MNAT1: variants seen among roughly 807,000 people sequenced by gnomAD.
The protein encoded by MNAT1 is MNAT1 component of CDK activating kinase, also known as CDK-activating kinase assembly factor MAT1.
Under a neutral mutation model 42.0 loss-of-function variants are expected in MNAT1, and 43 were observed. That is an observed-to-expected ratio of 1.02 (90% CI 0.80 to 1.32). The LOEUF (loss-of-function observed/expected upper bound fraction) is 1.32. Ranked by LOEUF, MNAT1 falls within the 40% of genes most tolerant of loss-of-function variation. MNAT1 has a pLI of 0.00. For missense variants in MNAT1, 306 were observed against 350.4 expected, an observed-to-expected ratio of 0.87 and a Z score of 1.01; for synonymous variants, 118 against 120.0, an observed-to-expected ratio of 0.98 and a Z score of 0.11.
chr14:60,856,060 T>A (rs2033952224), intron 6 of MNAT1, among the ~76,000 whole-genome samples: 1 of 152,186 alleles, frequency 6.6e-6, no homozygotes, highest in Non-Finnish European at 1.5e-5. Flanking sequence ...TATGTCTGAC[T>A]TTAAATCAAA....
chr14:60,842,022 C>G (rs149899467), intron 6 of MNAT1, among the ~76,000 whole-genome samples: 1 of 152,190 alleles, frequency 6.6e-6, no homozygotes, highest in Non-Finnish European at 1.5e-5. Context: ...AAAACCCAGA[C>G]AAAAGTTGAG....
chr14:60,834,368 T>C (rs953596931), intron 6 of MNAT1, among the ~76,000 whole-genome samples: 3 of 152,224 alleles, frequency 2.0e-5, no homozygotes, highest in Admixed American at 2.0e-4. Flanking sequence ...GTCTTTGTTC[T>C]CATTGGTTCA....
intron 1 of MNAT1, among the ~76,000 whole-genome samples, chr14:60,774,579 G>C (rs1357513707): frequency 3.3e-5 from 5 of 152,360 alleles, no homozygotes; most frequent in Admixed American, 3.3e-4. Context: ...AGGTGGGTAA[G>C]TGTTGGGGAT....
chr14:60,855,624 T>C (rs1164240327), intron 6 of MNAT1, among the ~76,000 whole-genome samples: 1 of 152,148 alleles, frequency 6.6e-6, no homozygotes, highest in Non-Finnish European at 1.5e-5. Flanking sequence ...TCACCCTCCA[T>C]GGGTTGGACC....
At position 60,761,727 on chromosome 14, in the gene MNAT1, A is replaced by G. The variant is rs139860675; in HGVS notation, c.89+26776A>G. Among the ~76,000 whole-genome samples the G allele has an allele frequency of 1.1e-3, 170 of 152,314 alleles. No individual in the cohort carries two copies. In the East Asian group the frequency reaches 0.023, roughly 21 times the overall value. On this transcript the variant is annotated intron_variant, in intron 1 of 7. Coordinates refer to ENST00000261245, the MANE Select transcript of MNAT1 (RefSeq NM_002431.4). Reference sequence around the variant, plus strand: ...ATTCAACAAATATTTGGGTAAGACTATGTGCCAAACATATTCATAGTTACA... The same window carrying G: ...ATTCAACAAATATTTGGGTAAGACTGTGTGCCAAACATATTCATAGTTACA...
intron 1 of MNAT1, among the ~76,000 whole-genome samples, chr14:60,758,560 G>A (rs1198456241): frequency 1.3e-5 from 2 of 151,508 alleles, no homozygotes; most frequent in African/African-American, 2.4e-5. Flanking sequence ...TAATTAACAT[G>A]GATACTGCTT....
chr14:60,894,895 G>C (rs539892924), intron 7 of MNAT1, among the ~76,000 whole-genome samples: 1 of 152,144 alleles, frequency 6.6e-6, no homozygotes, highest in Non-Finnish European at 1.5e-5. Context: ...AATCTTGGCC[G>C]TAACAGTTTC....
chr14:60,807,545 T>C (rs1210789482), intron 3 of MNAT1, among the ~76,000 whole-genome samples: 1 of 152,212 alleles, frequency 6.6e-6, no homozygotes, highest in Admixed American at 6.5e-5. Context: ...TTCCTCCATA[T>C]GAGTTTATAT....
At chr14:60,940,606 AG>A (rs2036128732) in intron 7 of MNAT1, among the ~76,000 whole-genome samples, 1 of 151,966 alleles carries the variant, frequency 6.6e-6, no homozygotes, top group African/African-American at 2.4e-5. Context: ...TTTAGTAGAG[AG>A]GGGGTTTCAC....
chr14:60,830,507 C>T (rs999445827), intron 6 of MNAT1, among the ~76,000 whole-genome samples: 6 of 151,968 alleles, frequency 3.9e-5, no homozygotes, highest in African/African-American at 9.7e-5. Flanking sequence ...CTGAGAAGTC[C>T]GGCTGCCACA....
chr14:60,779,907 C>T, intron 1 of MNAT1: 2 of 915,940 alleles, frequency 2.2e-6, no homozygotes, highest in Non-Finnish European at 3.4e-6. Context: ...GCTGTTGGAG[C>T]CGCTGTGGTT....
intron 6 of MNAT1, among the ~76,000 whole-genome samples, chr14:60,862,327 C>G (rs551725161): frequency 6.6e-6 from 1 of 152,118 alleles, no homozygotes; most frequent in Non-Finnish European, 1.5e-5. Flanking sequence ...ATATGCCATA[C>G]GATTGGTGAC....
At chr14:60,873,237 C>G (rs546879427) in intron 6 of MNAT1, among the ~76,000 whole-genome samples, 1 of 151,974 alleles carries the variant, frequency 6.6e-6, no homozygotes, top group East Asian at 1.9e-4. Flanking sequence ...TGTTGTTTCT[C>G]GTGACATTGA....
At chr14:60,840,932 T>C (rs2033532013) in intron 6 of MNAT1, among the ~76,000 whole-genome samples, 1 of 152,178 alleles carries the variant, frequency 6.6e-6, no homozygotes, top group African/African-American at 2.4e-5. Flanking sequence ...CCCAAGGTGC[T>C]GGGATTACAG....
chr14:60,916,051 G>A (rs2035506018), intron 7 of MNAT1, among the ~76,000 whole-genome samples: 1 of 152,170 alleles, frequency 6.6e-6, no homozygotes, highest in African/African-American at 2.4e-5. Flanking sequence ...TTTCCATGAA[G>A]CAGGTCTTCT....
In MNAT1 at chr14:60,754,227, C is replaced by G. The variant is rs557414352; in HGVS notation, c.89+19276C>G. Among the ~76,000 whole-genome samples, 113 of 151,948 alleles carry G rather than the reference C, an allele frequency of 7.4e-4. 3 individuals carry two copies. In the South Asian group the frequency reaches 0.019, roughly 26 times the overall value. ...AGCTTGGTGGTGTTTTGTTATGCAGCAACAGATAACTAATAGAATCCCTTC... is the reference window on the plus strand; with the variant it reads ...AGCTTGGTGGTGTTTTGTTATGCAGGAACAGATAACTAATAGAATCCCTTC... On this transcript the variant is annotated intron_variant, in intron 1 of 7. Coordinates refer to ENST00000261245, the MANE Select transcript of MNAT1 (RefSeq NM_002431.4).
chr14:60,893,332 A>G (rs940456507), intron 7 of MNAT1, among the ~76,000 whole-genome samples: 2 of 151,980 alleles, frequency 1.3e-5, no homozygotes, highest in Non-Finnish European at 2.9e-5. Flanking sequence ...ACCTGTTCAT[A>G]CATATTATCC....
chr14:60,862,328 G>A (rs191820120), intron 6 of MNAT1, among the ~76,000 whole-genome samples: 27 of 152,146 alleles, frequency 1.8e-4, no homozygotes, highest in South Asian at 2.1e-4. Context: ...TATGCCATAC[G>A]ATTGGTGACA....
intron 6 of MNAT1, among the ~76,000 whole-genome samples, chr14:60,827,227 G>A (rs1009682806): frequency 6.6e-6 from 1 of 152,028 alleles, no homozygotes; most frequent in African/African-American, 2.4e-5. Flanking sequence ...GTTGGTTTGG[G>A]GAGTAGTATG....
Sources: gnomAD v4.1 joint callset for allele counts (sites outside exome capture counted in the v4.1 genomes callset) on GRCh38, gnomAD v4.1.1 for gene constraint, MANE v1.5 for transcripts, NCBI Gene and HGNC (gene_info 2026-07-23, HGNC 2026-07-21) for gene names.